The following MTUS2 variants were observed in gnomAD, a reference collection of about 807,000 sequenced individuals.
MTUS2 encodes microtubule associated scaffold protein 2, also known as microtubule-associated tumor suppressor candidate 2.
Under a neutral mutation model 114.1 loss-of-function variants are expected in MTUS2, and 40 were observed. That is an observed-to-expected ratio of 0.35 (90% confidence interval 0.27 to 0.46). MTUS2 has a LOEUF of 0.46. MTUS2 is among the 20% of genes least tolerant of loss of function. MTUS2 has a pLI of 1.00. For synonymous variants in MTUS2, 688 were observed against 672.0 expected, an observed-to-expected ratio of 1.02 and a Z score of -0.37; for missense variants, 1,679 against 1,705.4, an observed-to-expected ratio of 0.98 and a Z score of 0.27.
chr13:29,487,281 A>C (rs986129296), intron 10 of MTUS2, among the ~76,000 whole-genome samples: 4 of 152,194 alleles, frequency 2.6e-5, no homozygotes, highest in Non-Finnish European at 5.9e-5. Flanking sequence ...ACAACAGTGC[A>C]TTAGAAAGAG....
intron 2 of MTUS2, among the ~76,000 whole-genome samples, chr13:28,923,537 G>A (rs559642619): frequency 6.6e-6 from 1 of 152,302 alleles, no homozygotes; most frequent in East Asian, 1.9e-4. Context: ...TCTGGTCCCT[G>A]CTGGTGCTGG....
At chr13:29,187,765 G>C (rs996274597) in intron 5 of MTUS2, among the ~76,000 whole-genome samples, 2 of 152,098 alleles carry the variant, frequency 1.3e-5, no homozygotes, top group African/African-American at 4.8e-5. Flanking sequence ...TATCCAACCT[G>C]ATGTCCTCAT....
At chr13:29,377,372 C>T (rs1871833257) in intron 8 of MTUS2, among the ~76,000 whole-genome samples, 1 of 152,090 alleles carries the variant, frequency 6.6e-6, no homozygotes, top group Non-Finnish European at 1.5e-5. Flanking sequence ...AAATTTAAAA[C>T]AATGAAATTG....
chr13:29,351,715 A>T (rs565061456), intron 7 of MTUS2, among the ~76,000 whole-genome samples: 247 of 150,074 alleles, frequency 1.6e-3, no homozygotes, highest in African/African-American at 5.8e-3. Flanking sequence ...CAATCATCCC[A>T]CCTCAGCCTT....
At chr13:29,002,117 A>C (rs1885411842) in intron 2 of MTUS2, among the ~76,000 whole-genome samples, 1 of 152,196 alleles carries the variant, frequency 6.6e-6, no homozygotes, top group East Asian at 1.9e-4. Context: ...GTCTTGAGCC[A>C]GTAAGTTGTA....
chr13:28,880,218 G>C (rs1023392791), intron 2 of MTUS2, among the ~76,000 whole-genome samples: 2 of 152,160 alleles, frequency 1.3e-5, no homozygotes, highest in African/African-American at 4.8e-5. Context: ...AGCATTTACT[G>C]TTGGTGAAGT....
intron 2 of MTUS2, among the ~76,000 whole-genome samples, chr13:28,845,306 T>A (rs1010416074): frequency 7.2e-5 from 11 of 152,224 alleles, no homozygotes; most frequent in African/African-American, 2.7e-4. Context: ...AATGTAAACT[T>A]CACAAGGGTG....
chr13:28,871,495 T>TA (rs923047358), intron 2 of MTUS2, among the ~76,000 whole-genome samples: 1 of 152,176 alleles, frequency 6.6e-6, no homozygotes, highest in African/African-American at 2.4e-5. Context: ...AGAGAGAAAT[T>TA]ACAGTGGGCA....
chr13:29,118,850 G>C (rs757963382), intron 5 of MTUS2, among the ~76,000 whole-genome samples: 1 of 152,190 alleles, frequency 6.6e-6, no homozygotes, highest in Non-Finnish European at 1.5e-5. Context: ...TGGGTGACCA[G>C]TGTCCTCCCT....
At chr13:28,880,463 T>C (rs182854663) in intron 2 of MTUS2, among the ~76,000 whole-genome samples, 129 of 152,338 alleles carry the variant, frequency 8.5e-4, no homozygotes, top group African/African-American at 3.0e-3. Context: ...TGGTAAACAG[T>C]GGTGTATTCA....
intron 7 of MTUS2, among the ~76,000 whole-genome samples, chr13:29,331,760 TAGCATGA>T (rs1450424478): frequency 1.3e-5 from 2 of 152,248 alleles, no homozygotes; most frequent in Non-Finnish European, 2.9e-5. Context: ...TGAGAGTTTT[TAGCATGA>T]AGCACTGTTG....
chr13:29,018,248 T>G (rs2479758), intron 2 of MTUS2, among the ~76,000 whole-genome samples: 1 of 151,886 alleles, frequency 6.6e-6, no homozygotes. Flanking sequence ...TCATTGGACC[T>G]TGAATGTCAA....
At chr13:29,311,966 C>CCTCCAG (rs1413666812) in intron 6 of MTUS2, among the ~76,000 whole-genome samples, 2 of 152,122 alleles carry the variant, frequency 1.3e-5, no homozygotes, top group Admixed American at 6.5e-5. Context: ...CAAAAACAAA[C>CCTCCAG]CTCCAGCCTC....
intron 4 of MTUS2, among the ~76,000 whole-genome samples, chr13:29,078,423 G>T (rs1428295626): frequency 6.6e-6 from 1 of 152,162 alleles, no homozygotes; most frequent in Non-Finnish European, 1.5e-5. Flanking sequence ...AACAGCCATA[G>T]CTCTGTCTTA....
intron 8 of MTUS2, among the ~76,000 whole-genome samples, chr13:29,407,785 G>C (rs1475027869): frequency 1.3e-5 from 2 of 151,952 alleles, no homozygotes; most frequent in African/African-American, 4.8e-5. Context: ...GGCCCTGATT[G>C]TACTAATTTA....
At position 29,503,454 on chromosome 13, in the gene MTUS2, A is replaced by G. The variant is rs761441655; in HGVS notation, c.*248A>G. On this transcript the variant is annotated 3_prime_UTR_variant, in exon 16 of 16. Coordinates refer to ENST00000612955, the MANE Select transcript of MTUS2 (RefSeq NM_001033602.4). ...TAGAGCCAAAAGAAAGACACTTGCA[A>G]TTGTTCTTGAGCAATGAACTTTCAC... 4.3e-5 allele frequency: 25 copies of G among 582,526 alleles called. No homozygotes were observed. Among genetic ancestry groups the G allele is most frequent in the Middle Eastern group, 4.5e-4 (1 of 2,204 alleles). The allele number at this position is 582,526 out of a possible 1,614,324, so 36.1% of individuals were successfully genotyped here.
At chr13:28,887,070 T>A (rs1460076969) in intron 2 of MTUS2, among the ~76,000 whole-genome samples, 1 of 151,998 alleles carries the variant, frequency 6.6e-6, no homozygotes, top group Non-Finnish European at 1.5e-5. Flanking sequence ...TCAGCGGAGG[T>A]TAAGGTTGGA....
intron 3 of MTUS2, among the ~76,000 whole-genome samples, chr13:29,031,338 C>T (rs902104593): frequency 1.3e-5 from 2 of 148,728 alleles, no homozygotes; most frequent in African/African-American, 2.5e-5. Flanking sequence ...ATATATGTTT[C>T]AATATATATA....
chr13:29,069,701 A>T (rs561479548), intron 4 of MTUS2, among the ~76,000 whole-genome samples: 80 of 152,238 alleles, frequency 5.3e-4, no homozygotes, highest in Non-Finnish European at 1.1e-3. Context: ...AAGCAGCTCT[A>T]GCTCAACTCT....
Sources: allele counts gnomAD v4.1 joint callset (sites outside exome capture counted in the v4.1 genomes callset), GRCh38; gene constraint gnomAD v4.1.1; transcripts MANE v1.5; gene names NCBI Gene and HGNC (gene_info 2026-07-23, HGNC 2026-07-21).